SLC24A2: variants seen among roughly 807,000 people sequenced by gnomAD.
The protein encoded by SLC24A2 is solute carrier family 24 member 2.
In SLC24A2, 36 loss-of-function variants were observed where a neutral mutation model predicts 62.0. The ratio of observed to expected loss-of-function variants is 0.58; its 90% confidence interval spans 0.44 to 0.77. The LOEUF is 0.77. Among genes scored for constraint, SLC24A2 ranks in the 30% least tolerant of loss-of-function variants. SLC24A2 has a pLI of 0.00. For missense variants in SLC24A2, 846 were observed against 817.9 expected, an observed-to-expected ratio of 1.03 and a Z score of -0.42; for synonymous variants, 358 against 294.0, an observed-to-expected ratio of 1.22 and a Z score of -2.23.
At chr9:20,046,766 T>G in the SLC24A2 span, among the ~76,000 whole-genome samples, 1 of 152,226 alleles carries the variant, frequency 6.6e-6, no homozygotes, top group African/African-American at 2.4e-5. Flanking sequence ...TCATCTTCCT[T>G]TATCCCCAGA....
At chr9:20,288,187 G>A in the SLC24A2 span, among the ~76,000 whole-genome samples, 2 of 152,142 alleles carry the variant, frequency 1.3e-5, no homozygotes, top group Admixed American at 6.5e-5. Flanking sequence ...ACCTGGGCAG[G>A]GGCAGGGGAG....
intron 7 of SLC24A2, among the ~76,000 whole-genome samples, chr9:19,556,660 G>C (rs973270730): frequency 6.6e-6 from 1 of 152,124 alleles, no homozygotes; most frequent in Non-Finnish European, 1.5e-5. Context: ...GTAACACTTA[G>C]GAGTGCTACC....
At chr9:19,999,988 A>G in the SLC24A2 span, among the ~76,000 whole-genome samples, 1 of 152,244 alleles carries the variant, frequency 6.6e-6, no homozygotes, top group Non-Finnish European at 1.5e-5. Context: ...AGGTTCAGAG[A>G]CTGCAGTCTT....
At chr9:19,628,973 T>C (rs1818105379) in intron 2 of SLC24A2, among the ~76,000 whole-genome samples, 1 of 152,164 alleles carries the variant, frequency 6.6e-6, no homozygotes, top group Non-Finnish European at 1.5e-5. Context: ...TAACAAATGC[T>C]GGTGTGCAAC....
chr9:19,896,915 A>C, the SLC24A2 span, among the ~76,000 whole-genome samples: 1 of 152,248 alleles, frequency 6.6e-6, no homozygotes, highest in Non-Finnish European at 1.5e-5. Context: ...TTATTCTTTT[A>C]AAGTGTCTAA....
chr9:19,536,096 T>C (rs984978670), intron 8 of SLC24A2, among the ~76,000 whole-genome samples: 3 of 151,896 alleles, frequency 2.0e-5, no homozygotes, highest in Admixed American at 6.6e-5. Context: ...TTATTCTCTT[T>C]GTAGCAGTTG....
the SLC24A2 span, among the ~76,000 whole-genome samples, chr9:20,296,107 C>T: frequency 0.59 from 89,921 of 152,026 alleles, 27,246 homozygotes; most frequent in Middle Eastern, 0.81. Context: ...CTAATTATTA[C>T]TGGTGCTGCA....
the SLC24A2 span, among the ~76,000 whole-genome samples, chr9:20,142,891 C>T: frequency 1.3e-5 from 2 of 152,334 alleles, no homozygotes; most frequent in South Asian, 2.1e-4. Flanking sequence ...CCACCGTGCC[C>T]GGCCTTTCCA....
At chr9:19,560,688 G>A (rs1177983918) in intron 7 of SLC24A2, among the ~76,000 whole-genome samples, 1 of 152,086 alleles carries the variant, frequency 6.6e-6, no homozygotes, top group African/African-American at 2.4e-5. Flanking sequence ...AGCCCCAGTA[G>A]GCTAATACAA....
At chr9:20,011,297 C>G in the SLC24A2 span, among the ~76,000 whole-genome samples, 3 of 152,038 alleles carry the variant, frequency 2.0e-5, no homozygotes, top group African/African-American at 4.8e-5. Context: ...TTAATGATCA[C>G]CATTCTAACT....
intron 2 of SLC24A2, among the ~76,000 whole-genome samples, chr9:19,692,908 T>G (rs558994080): frequency 1.2e-4 from 19 of 152,254 alleles, no homozygotes; most frequent in African/African-American, 4.3e-4. Context: ...ACTCATCAGC[T>G]TCAGATCCAA....
chr9:20,123,173 C>T, the SLC24A2 span, among the ~76,000 whole-genome samples: 944 of 152,200 alleles, frequency 6.2e-3, 15 homozygotes, highest in African/African-American at 0.021. Flanking sequence ...TAGATGGTAC[C>T]TTCTAGCTGT....
chr9:19,732,115 A>T (rs946990811), intron 2 of SLC24A2, among the ~76,000 whole-genome samples: 3 of 5,406 alleles, frequency 5.5e-4, no homozygotes, highest in South Asian at 0.015. Context: ...TGTTTTGTTA[A>T]AAAAAAAACT....
the SLC24A2 span, among the ~76,000 whole-genome samples, chr9:20,104,796 T>G: frequency 3.4e-4 from 51 of 152,176 alleles, 1 homozygote; most frequent in South Asian, 8.3e-4. Flanking sequence ...ATCAACTAAC[T>G]AGCAAAATAA....
the SLC24A2 span, among the ~76,000 whole-genome samples, chr9:20,291,397 A>G: frequency 6.6e-6 from 1 of 152,176 alleles, no homozygotes; most frequent in Non-Finnish European, 1.5e-5. Flanking sequence ...GAACAAAGAA[A>G]TGGCAGAGGG....
chr9:19,869,037 A>G, the SLC24A2 span, among the ~76,000 whole-genome samples: 2 of 152,144 alleles, frequency 1.3e-5, no homozygotes, highest in Admixed American at 1.3e-4. Flanking sequence ...GCTGGAGTGC[A>G]GTGGCAGGAA....
chr9:20,102,174 T>C, the SLC24A2 span, among the ~76,000 whole-genome samples: 2 of 152,148 alleles, frequency 1.3e-5, no homozygotes, highest in African/African-American at 4.8e-5. Context: ...CTTCTGTAGA[T>C]TGAGTAAGCC....
chr9:20,156,652 G>C, the SLC24A2 span, among the ~76,000 whole-genome samples: 2 of 151,728 alleles, frequency 1.3e-5, no homozygotes, highest in Non-Finnish European at 2.9e-5. Context: ...TTGTTAAACA[G>C]TGGCATCCTA....
chr9:20,113,390 A>T, the SLC24A2 span, among the ~76,000 whole-genome samples: 2 of 152,156 alleles, frequency 1.3e-5, no homozygotes, highest in Admixed American at 1.3e-4. Flanking sequence ...GCATTAAATG[A>T]TTAATAGTAA....
Sources: allele counts gnomAD v4.1 joint callset (sites outside exome capture counted in the v4.1 genomes callset), GRCh38; gene constraint gnomAD v4.1.1; transcripts MANE v1.5; gene names NCBI Gene and HGNC (gene_info 2026-07-23, HGNC 2026-07-21).